CMSS1: variants seen among roughly 807,000 people sequenced by gnomAD.
CMSS1 encodes the protein cms1 ribosomal small subunit homolog.
CMSS1 carries 33 observed loss-of-function variants against 43.5 expected under a neutral mutation model. That is an observed-to-expected ratio of 0.76 (90% confidence interval 0.57 to 1.01). The LOEUF (loss-of-function observed/expected upper bound fraction) is 1.01, where lower values mean the gene tolerates loss of function less well. Among genes scored for constraint, CMSS1 ranks in the 50% least tolerant of loss-of-function variants. The pLI is 0.00. For synonymous variants in CMSS1, 115 were observed against 117.2 expected (o/e 0.98, Z 0.12); for missense variants, 313 against 326.4 (o/e 0.96, Z 0.32).
At chr3:100,104,387 A>G (rs1469313947) in intron 1 of CMSS1, among the ~76,000 whole-genome samples, 1 of 152,204 alleles carries the variant, frequency 6.6e-6, no homozygotes, top group Non-Finnish European at 1.5e-5. Context: ...ACTCTGAGCT[A>G]CACTTTTTTT....
chr3:100,120,079 G>C (rs1327753543), intron 1 of CMSS1, among the ~76,000 whole-genome samples: 1 of 152,182 alleles, frequency 6.6e-6, no homozygotes, highest in East Asian at 1.9e-4. Flanking sequence ...AGGAAAACAT[G>C]TTCTTGACCT....
intron 1 of CMSS1, among the ~76,000 whole-genome samples, chr3:99,870,510 G>A (rs1014277053): frequency 6.6e-6 from 1 of 152,176 alleles, no homozygotes; most frequent in Non-Finnish European, 1.5e-5. Flanking sequence ...TGTTGTCCAA[G>A]AGCTGCTAGT....
intron 1 of CMSS1, among the ~76,000 whole-genome samples, chr3:99,826,153 T>C (rs1475407641): frequency 1.3e-5 from 2 of 152,198 alleles, no homozygotes; most frequent in Non-Finnish European, 2.9e-5. Context: ...GAATTATACA[T>C]TTTACTAAAT....
At chr3:99,975,612 G>C (rs937326430) in intron 1 of CMSS1, among the ~76,000 whole-genome samples, 4 of 152,032 alleles carry the variant, frequency 2.6e-5, no homozygotes, top group African/African-American at 9.7e-5. Context: ...GATACTTCAT[G>C]TGGAAATAAG....
intron 1 of CMSS1, among the ~76,000 whole-genome samples, chr3:99,984,052 A>ATGTGTGTGTGTGTGTGTG (rs34256109): frequency 0.015 from 2,270 of 151,278 alleles, 39 homozygotes; most frequent in African/African-American, 0.038. Context: ...ATGTATATGT[A>ATGTGTGTGTGTGTGTGTG]TGTGTGTTTG....
chr3:99,835,273 C>G (rs1942850183), intron 1 of CMSS1, among the ~76,000 whole-genome samples: 1 of 152,208 alleles, frequency 6.6e-6, no homozygotes, highest in Non-Finnish European at 1.5e-5. Flanking sequence ...CCTTATGCTA[C>G]TTTGTCTGGT....
intron 1 of CMSS1, among the ~76,000 whole-genome samples, chr3:99,820,197 A>G (rs1489514943): frequency 1.4e-5 from 2 of 147,106 alleles, no homozygotes; most frequent in Non-Finnish European, 3.0e-5. Context: ...CATAAGACTA[A>G]CCCTTTTTTT....
intron 2 of CMSS1, among the ~76,000 whole-genome samples, chr3:100,151,708 A>G (rs2066910464): frequency 6.6e-6 from 1 of 152,180 alleles, no homozygotes; most frequent in African/African-American, 2.4e-5. Context: ...GATCGAGATC[A>G]TGAGGAGCTA....
chr3:100,169,260 C>T (rs376068513), intron 6 of CMSS1, among the ~76,000 whole-genome samples: 37 of 152,192 alleles, frequency 2.4e-4, no homozygotes, highest in Non-Finnish European at 4.6e-4. Context: ...CTTGCACATA[C>T]GTTTTCATTT....
chr3:99,818,322 G>A (rs959450118), intron 1 of CMSS1, among the ~76,000 whole-genome samples: 1 of 152,212 alleles, frequency 6.6e-6, no homozygotes, highest in East Asian at 1.9e-4. Context: ...CAGTTTTTGT[G>A]AAGAGAGGCA....
At position 100,156,453 on chromosome 3, in the gene CMSS1, C is replaced by T. The variant is rs6775395; in HGVS notation, c.154-3977C>T. ...CCCCCTAAGTAGCTGGGATTACAGG[C>T]GTGCGCCACCACGCCCAGCTAATTT... On this transcript the variant is annotated intron_variant, in intron 2 of 9. Transcript: ENST00000421999. Among the ~76,000 whole-genome samples, 656 of 151,750 alleles carry T rather than the reference C, an allele frequency of 4.3e-3. 7 individuals carry two copies. Among genetic ancestry groups the T allele is most frequent in the African/African-American group, 0.015 (638 of 41,392 alleles).
intron 1 of CMSS1, among the ~76,000 whole-genome samples, chr3:99,984,062 G>GTGTGTGTGTGTGTGTGTGTGTGTT (rs1424250163): frequency 1.3e-5 from 2 of 151,620 alleles, no homozygotes; most frequent in African/African-American, 4.8e-5. Flanking sequence ...ATGTGTGTTT[G>GTGTGTGTGTGTGTGTGTGTGTGTT]TGTGTGTGTG....
intron 1 of CMSS1, among the ~76,000 whole-genome samples, chr3:99,923,109 T>C (rs1707175376): frequency 6.6e-6 from 1 of 152,010 alleles, no homozygotes; most frequent in Non-Finnish European, 1.5e-5. Context: ...TTTTTTAGCT[T>C]CCATTTTCAA....
intron 1 of CMSS1, among the ~76,000 whole-genome samples, chr3:99,948,719 AGG>A (rs1415951505): frequency 6.6e-6 from 1 of 151,112 alleles, no homozygotes; most frequent in African/African-American, 2.4e-5. Context: ...AGGAAGGGAA[AGG>A]GAAGTGGAAG....
chr3:99,839,159 C>T lies in CMSS1; in HGVS notation c.64+21116C>T, dbSNP rs574191756. Among the ~76,000 whole-genome samples, 6 of 152,248 alleles carry T rather than the reference C, an allele frequency of 3.9e-5. No homozygotes were observed. The East Asian group carries it at 1.2e-3, about 29-fold the overall frequency. ...TCTCATCTGTTTCTGAAGCCTGATCCCCAAATCCCACCTGAAAGTAACCTG... is the reference window on the plus strand; with the variant it reads ...TCTCATCTGTTTCTGAAGCCTGATCTCCAAATCCCACCTGAAAGTAACCTG... On this transcript the variant is annotated intron_variant, in intron 1 of 9. Transcript: ENST00000421999.
chr3:100,138,259 T>C (rs2066772336), intron 1 of CMSS1, among the ~76,000 whole-genome samples: 1 of 152,188 alleles, frequency 6.6e-6, no homozygotes, highest in Non-Finnish European at 1.5e-5. Flanking sequence ...ACTTAGGCAG[T>C]ACCATTCAGG....
At chr3:99,895,625 A>G (rs1706227203) in intron 1 of CMSS1, among the ~76,000 whole-genome samples, 1 of 152,154 alleles carries the variant, frequency 6.6e-6, no homozygotes, top group South Asian at 2.1e-4. Flanking sequence ...CGTATACCAA[A>G]AGGGGATAAT....
At chr3:100,163,582 G>C (rs1002079277) in intron 4 of CMSS1, among the ~76,000 whole-genome samples, 1 of 151,992 alleles carries the variant, frequency 6.6e-6, no homozygotes, top group Non-Finnish European at 1.5e-5. Context: ...TGTCGCCCAG[G>C]CTGGAGTGCA....
At chr3:100,030,514 A>C (rs1411523349) in intron 1 of CMSS1, among the ~76,000 whole-genome samples, 1 of 152,012 alleles carries the variant, frequency 6.6e-6, no homozygotes, top group East Asian at 1.9e-4. Context: ...TGTCTCATCT[A>C]CTCTAGTCTT....
Sources: allele counts gnomAD v4.1 joint callset (sites outside exome capture counted in the v4.1 genomes callset), GRCh38; gene constraint gnomAD v4.1.1; transcripts MANE v1.5; gene names NCBI Gene and HGNC (gene_info 2026-07-23, HGNC 2026-07-21).